The following PCDHA7 variants were observed in gnomAD, a reference collection of about 807,000 sequenced individuals.
PCDHA7 encodes protocadherin alpha 7.
In PCDHA7, 37 loss-of-function variants were observed where a neutral mutation model predicts 57.2. The ratio of observed to expected loss-of-function variants is 0.65; its 90% CI spans 0.50 to 0.85. PCDHA7 has a LOEUF of 0.85. Among genes scored for constraint, PCDHA7 ranks in the 40% least tolerant of loss-of-function variants. The pLI, the probability that PCDHA7 is intolerant of heterozygous loss-of-function variation, is 0.00. For missense variants in PCDHA7, 1,188 were observed against 1,241.8 expected, an observed-to-expected ratio of 0.96 and a Z score of 0.65; for synonymous variants, 553 against 558.8, an observed-to-expected ratio of 0.99 and a Z score of 0.15.
intron 1 of PCDHA7, among the ~76,000 whole-genome samples, chr5:140,946,634 A>ATATATATATAT (rs1554217761): frequency 2.7e-5 from 4 of 147,312 alleles, no homozygotes; most frequent in African/African-American, 7.7e-5. Context: ...ATATATATAC[A>ATATATATATAT]ATGGAATACT....
chr5:140,857,745 C>G, intron 1 of PCDHA7: 1 of 1,597,310 alleles, frequency 6.3e-7, no homozygotes, highest in Non-Finnish European at 8.6e-7. Context: ...GCGCTGCTGG[C>G]GTCTCCCGCT....
intron 3 of PCDHA7, among the ~76,000 whole-genome samples, chr5:141,007,925 G>T (rs2098351885): frequency 1.3e-5 from 2 of 152,138 alleles, no homozygotes; most frequent in South Asian, 4.2e-4. Context: ...ATATAAGCTG[G>T]AATTCTAAGC....
rs1486042569 is a variant in PCDHA7 at position 140,880,105 on chromosome 5, A to G, written c.2355+43367A>G. On this transcript the variant is annotated intron_variant, in intron 1 of 3. Coordinates refer to ENST00000525929, the MANE Select transcript of PCDHA7 (RefSeq NM_018910.3). ...ATTATAGTAGGCTTAAAATCATAGAAGGATAGACAACAGGAAGCTGAAATA... is the reference window on the plus strand; with the variant it reads ...ATTATAGTAGGCTTAAAATCATAGAGGGATAGACAACAGGAAGCTGAAATA... 1.8e-4 allele frequency among the ~76,000 whole-genome samples: 28 copies of G among 152,256 alleles called. 1 individual carries two copies. Among genetic ancestry groups the G allele is most frequent in the Admixed American group, 1.8e-3 (28 of 15,292 alleles).
chr5:140,927,256 C>T, intron 1 of PCDHA7: 1 of 1,614,144 alleles, frequency 6.2e-7, no homozygotes, highest in Non-Finnish European at 8.5e-7. Context: ...TGACAACTCA[C>T]CTCTCTTTCC....
intron 1 of PCDHA7, chr5:140,882,349 T>TC (rs1396642305): frequency 5.0e-6 from 8 of 1,613,872 alleles, no homozygotes; most frequent in Non-Finnish European, 6.8e-6. Context: ...GGGAGACGGG[T>TC]AGTGGCCAGC....
chr5:140,871,420 C>G (rs1193380487), intron 1 of PCDHA7: 1 of 1,613,620 alleles, frequency 6.2e-7, no homozygotes, highest in Non-Finnish European at 8.5e-7. Context: ...GGCCTTCAGC[C>G]CCAGTCTTCC....
In PCDHA7 at chr5:141,011,722, G is replaced by T. The variant is rs1229946779; in HGVS notation, c.*1785G>T. On this transcript the variant is annotated 3_prime_UTR_variant, in exon 4 of 4. Transcript: ENST00000525929. Reference sequence around the variant, plus strand: ...TGAATACTGACAATATTCCATGAGGGTGTGCAAGCACAAATTTTACCAATC... The same window carrying T: ...TGAATACTGACAATATTCCATGAGGTTGTGCAAGCACAAATTTTACCAATC... The T allele has an allele frequency of 6.5e-6, 1 of 153,690 alleles. No homozygotes were observed. The highest frequency in any genetic ancestry group is 1.5e-5 in the Non-Finnish European group (1 of 68,018). 9.5% of individuals were successfully genotyped at this position (153,690 alleles called of 1,614,324 possible).
In PCDHA7 at chr5:140,927,608, G is replaced by A. The variant is rs151084513; in HGVS notation, c.2356-51341G>A. ...CCTGTATTTGAGCGCTCCGTATACC[G>A]CACCAAGGTTCCAGAGACTGCACCC... On this transcript the variant is annotated intron_variant, in intron 1 of 3. Coordinates refer to ENST00000525929, the MANE Select transcript of PCDHA7 (RefSeq NM_018910.3). The A allele has an allele frequency of 2.2e-5, 35 of 1,614,050 alleles. No homozygotes were observed. In the African/African-American group the frequency reaches 4.4e-4, roughly 20 times the overall value.
intron 1 of PCDHA7, among the ~76,000 whole-genome samples, chr5:140,894,932 A>G (rs2064735231): frequency 6.6e-6 from 1 of 152,184 alleles, no homozygotes; most frequent in Non-Finnish European, 1.5e-5. Flanking sequence ...ATTTCTATTC[A>G]GCTATTGTCA....
At chr5:141,004,303 T>C (rs2098161196) in intron 3 of PCDHA7, among the ~76,000 whole-genome samples, 2 of 152,178 alleles carry the variant, frequency 1.3e-5, no homozygotes, top group South Asian at 4.1e-4. Context: ...GATGTTTGTT[T>C]TATACAACAA....
chr5:140,965,834 G>T (rs1018708290), intron 1 of PCDHA7, among the ~76,000 whole-genome samples: 1 of 152,128 alleles, frequency 6.6e-6, no homozygotes, highest in Admixed American at 6.5e-5. Context: ...TTAAATATTG[G>T]TTATTTGCCA....
chr5:140,842,128 G>C, intron 1 of PCDHA7: 1 of 1,613,840 alleles, frequency 6.2e-7, no homozygotes, highest in Non-Finnish European at 8.5e-7. Flanking sequence ...CTTCTGATCC[G>C]GATGAAGGAG....
rs114421153 is a variant in PCDHA7, at chr5:140,919,495, A to T, written c.2356-59454A>T. ...TATTTGGATTTATGTTTGTTATTTT[A>T]CTCCTTTTTCTATATGTTTTAATTC... On this transcript the variant is annotated intron_variant, in intron 1 of 3. Coordinates refer to ENST00000525929, the MANE Select transcript of PCDHA7 (RefSeq NM_018910.3). 4.5e-3 allele frequency among the ~76,000 whole-genome samples: 671 copies of T among 150,296 alleles called. 3 individuals are homozygous for T. Among genetic ancestry groups the T allele is most frequent in the African/African-American group, 0.016 (651 of 40,928 alleles).
rs1488596274 is a variant in PCDHA7, at chr5:140,841,538, G to A, written c.2355+4800G>A. 4 of 1,613,606 alleles carry A rather than the reference G, an allele frequency of 2.5e-6. No homozygotes were observed. The African/African-American group carries it at 5.3e-5, about 22-fold the overall frequency. ...CCGGGTGGCGTCCAAAAGACACCGG[G>A]ACCTTCTGGAGGTAAGTCTGCAGAA... On this transcript the variant is annotated intron_variant, in intron 1 of 3. Transcript: ENST00000525929.
chr5:140,965,942 C>G (rs2095950444), intron 1 of PCDHA7, among the ~76,000 whole-genome samples: 2 of 152,330 alleles, frequency 1.3e-5, no homozygotes, highest in Admixed American at 1.3e-4. Flanking sequence ...AAGAGGGCAG[C>G]ATTTGCCATC....
intron 1 of PCDHA7, chr5:140,842,572 A>G (rs3733705): frequency 3.9e-6 from 6 of 1,538,104 alleles, no homozygotes; most frequent in South Asian, 1.1e-5. Flanking sequence ...ACCGCGAGAG[A>G]GTGTCGGCCT....
intron 1 of PCDHA7, among the ~76,000 whole-genome samples, chr5:140,939,634 G>C (rs1032922800): frequency 3.9e-5 from 6 of 152,066 alleles, no homozygotes; most frequent in African/African-American, 7.2e-5. Context: ...AATCAATAAG[G>C]GTACTGAAAA....
In PCDHA7 at chr5:140,928,021, T is replaced by G. The variant is rs1554205382; in HGVS notation, c.2356-50928T>G. ...CCTCGATTCTAATGGTAGGGTCATT[T>G]GTGGCATGTCTAGTGCAGGCCCTTT... On this transcript the variant is annotated intron_variant, in intron 1 of 3. Coordinates refer to ENST00000525929, the MANE Select transcript of PCDHA7 (RefSeq NM_018910.3). 3 of 1,614,220 alleles carry G rather than the reference T, an allele frequency of 1.9e-6. No individual in the cohort carries two copies. The African/African-American group carries it at 4.0e-5, about 22-fold the overall frequency.
chr5:140,895,867 A>C (rs1212053221), intron 1 of PCDHA7, among the ~76,000 whole-genome samples: 1 of 152,154 alleles, frequency 6.6e-6, no homozygotes, highest in Non-Finnish European at 1.5e-5. Context: ...GCTGGAGTGC[A>C]ATGGCGCGAT....
Sources: allele counts gnomAD v4.1 joint callset (sites outside exome capture counted in the v4.1 genomes callset), GRCh38; gene constraint gnomAD v4.1.1; transcripts MANE v1.5; gene names NCBI Gene and HGNC (gene_info 2026-07-23, HGNC 2026-07-21).